Variants in RORA observed in about 807,000 individuals in gnomAD.
RORA encodes the protein RAR related orphan receptor A.
In RORA, 7 loss-of-function variants were observed where a neutral mutation model predicts 69.5. The ratio of observed to expected loss-of-function variants is 0.10; its 90% CI spans 0.06 to 0.19. RORA has a LOEUF of 0.19. Among genes scored for constraint, RORA ranks in the 10% least tolerant of loss-of-function variants. The pLI is 1.00. For missense variants in RORA, 457 were observed against 663.0 expected (o/e 0.69, Z 3.41); for synonymous variants, 261 against 240.8 (o/e 1.08, Z -0.78).
intron 1 of RORA, among the ~76,000 whole-genome samples, chr15:60,868,080 C>A (rs2073509925): frequency 6.6e-6 from 1 of 152,140 alleles, no homozygotes; most frequent in Non-Finnish European, 1.5e-5. Flanking sequence ...TATAAATATA[C>A]AAATAACACC....
intron 2 of RORA, among the ~76,000 whole-genome samples, chr15:60,672,537 A>C (rs1396908833): frequency 6.6e-6 from 1 of 152,222 alleles, no homozygotes; most frequent in East Asian, 1.9e-4. Flanking sequence ...GTGCCCCACA[A>C]GTATTAGTTA....
intron 2 of RORA, among the ~76,000 whole-genome samples, chr15:60,561,822 T>C (rs1444263660): frequency 6.6e-6 from 1 of 151,764 alleles, no homozygotes; most frequent in Non-Finnish European, 1.5e-5. Context: ...CATGCAGGGG[T>C]GGTGGTGGGG....
In RORA at chr15:61,227,618, C is replaced by T. The variant is rs555633688; in HGVS notation, c.166+1435G>A. Among the ~76,000 whole-genome samples the T allele has an allele frequency of 2.0e-5, 3 of 152,212 alleles. No homozygotes were observed. The South Asian group carries it at 6.2e-4, about 32-fold the overall frequency. Reference sequence around the variant, plus strand: ...GTAAAACAGCCAGCACATGATCAGCCATATTCCTACCTCCAACTACAACAT... The same window carrying T: ...GTAAAACAGCCAGCACATGATCAGCTATATTCCTACCTCCAACTACAACAT... On this transcript the variant is annotated intron_variant, in intron 1 of 10. Coordinates refer to ENST00000335670, the MANE Select transcript of RORA (RefSeq NM_134261.3).
intron 1 of RORA, among the ~76,000 whole-genome samples, chr15:61,172,765 C>T (rs1272566151): frequency 6.6e-6 from 1 of 152,166 alleles, no homozygotes; most frequent in Non-Finnish European, 1.5e-5. Flanking sequence ...AGAATCATTT[C>T]CAGGGTAAAT....
intron 1 of RORA, among the ~76,000 whole-genome samples, chr15:61,045,826 C>A (rs1431474041): frequency 6.6e-6 from 1 of 152,226 alleles, no homozygotes. Context: ...AATGTCTGAT[C>A]ACTTTAGCTA....
intron 1 of RORA, among the ~76,000 whole-genome samples, chr15:61,082,325 C>T (rs2078556028): frequency 6.6e-6 from 1 of 152,162 alleles, no homozygotes; most frequent in East Asian, 1.9e-4. Context: ...CCCGTCTCTA[C>T]TAACAATACA....
chr15:60,903,190 C>T (rs1891439071), intron 1 of RORA, among the ~76,000 whole-genome samples: 1 of 152,050 alleles, frequency 6.6e-6, no homozygotes, highest in South Asian at 2.1e-4. Context: ...TTGGAAGGTT[C>T]CAGGAGAAGA....
At chr15:60,844,916 C>T (rs547006852) in intron 1 of RORA, among the ~76,000 whole-genome samples, 7 of 152,278 alleles carry the variant, frequency 4.6e-5, no homozygotes, top group Admixed American at 1.3e-4. Context: ...CATAATGAAA[C>T]GGTTTGTGGC....
intron 2 of RORA, among the ~76,000 whole-genome samples, chr15:60,669,040 T>C (rs893446219): frequency 6.6e-6 from 1 of 152,160 alleles, no homozygotes; most frequent in African/African-American, 2.4e-5. Flanking sequence ...TATTTGTAGC[T>C]GAGTTTAAAA....
chr15:60,938,261 T>C (rs1456172374), intron 1 of RORA, among the ~76,000 whole-genome samples: 1 of 152,154 alleles, frequency 6.6e-6, no homozygotes, highest in Non-Finnish European at 1.5e-5. Context: ...GAAAAAACAA[T>C]GTCTAAAACA....
intron 1 of RORA, among the ~76,000 whole-genome samples, chr15:60,923,154 C>T (rs1892102054): frequency 6.6e-6 from 1 of 152,190 alleles, no homozygotes; most frequent in African/African-American, 2.4e-5. Context: ...GGATGCCGTC[C>T]TCTGAAGTCT....
chr15:60,802,091 G>C (rs1272614701), intron 1 of RORA, among the ~76,000 whole-genome samples: 2 of 152,138 alleles, frequency 1.3e-5, no homozygotes, highest in Non-Finnish European at 2.9e-5. Context: ...GGTGGGAGTG[G>C]GAAGTTGGGT....
intron 2 of RORA, among the ~76,000 whole-genome samples, chr15:60,657,084 A>C (rs1335076306): frequency 6.6e-6 from 1 of 152,184 alleles, no homozygotes; most frequent in Non-Finnish European, 1.5e-5. Context: ...GGCACACAGC[A>C]CCGTGAATAT....
chr15:60,633,364 A>G (rs186928600), intron 2 of RORA, among the ~76,000 whole-genome samples: 1 of 152,390 alleles, frequency 6.6e-6, no homozygotes, highest in African/African-American at 2.4e-5. Context: ...GTGGAAGCAT[A>G]GTGTGATTTT....
chr15:61,158,717 T>C (rs2079467717), intron 1 of RORA, among the ~76,000 whole-genome samples: 1 of 152,162 alleles, frequency 6.6e-6, no homozygotes. Context: ...CTGGTCTGGA[T>C]TGTTGCGGGA....
chr15:61,048,135 T>C (rs887647203), intron 1 of RORA, among the ~76,000 whole-genome samples: 1 of 152,236 alleles, frequency 6.6e-6, no homozygotes, highest in Non-Finnish European at 1.5e-5. Context: ...TCACTATCCT[T>C]CATACTTCTT....
chr15:61,222,593 C>A (rs180896829), intron 1 of RORA, among the ~76,000 whole-genome samples: 2 of 152,156 alleles, frequency 1.3e-5, no homozygotes, highest in Non-Finnish European at 2.9e-5. Context: ...TGGGCTGTCA[C>A]AAAAGAACAT....
intron 1 of RORA, among the ~76,000 whole-genome samples, chr15:61,013,807 G>A (rs1455165067): frequency 7.3e-6 from 1 of 136,362 alleles, no homozygotes; most frequent in Non-Finnish European, 1.5e-5. Flanking sequence ...TTTTTTGGAG[G>A]GTGTCTCGCT....
At chr15:60,939,056 G>C (rs1233029141) in intron 1 of RORA, among the ~76,000 whole-genome samples, 1 of 152,190 alleles carries the variant, frequency 6.6e-6, no homozygotes, top group African/African-American at 2.4e-5. Flanking sequence ...ATTTCAACTT[G>C]CTACGTCCTG....
Sources: gnomAD v4.1 joint callset for allele counts (sites outside exome capture counted in the v4.1 genomes callset) on GRCh38, gnomAD v4.1.1 for gene constraint, MANE v1.5 for transcripts, NCBI Gene and HGNC (gene_info 2026-07-23, HGNC 2026-07-21) for gene names.